Variants in KMT2B observed in about 807,000 individuals in gnomAD.
The protein encoded by KMT2B is histone-lysine N-methyltransferase 2B.
Under a neutral mutation model 255.3 loss-of-function variants are expected in KMT2B, and 22 were observed. The observed-to-expected ratio is 0.09, with a 90% CI of 0.06 to 0.12. The LOEUF (loss-of-function observed/expected upper bound fraction) is 0.12, where lower values mean the gene tolerates loss of function less well. KMT2B is among the 10% of genes least tolerant of loss of function. The pLI is 1.00. For synonymous variants in KMT2B, 1,730 were observed against 1,498.1 expected (o/e 1.15, Z -3.57); for missense variants, 3,149 against 3,737.0 (o/e 0.84, Z 4.10).
chr19:35,730,587 C>T lies in KMT2B; in HGVS notation c.5247C>T (p.Cys1749=). The T allele has an allele frequency of 1.2e-6, 2 of 1,613,994 alleles. No individual in the cohort carries two copies. The highest frequency in any genetic ancestry group is 1.7e-6 in the Non-Finnish European group (2 of 1,179,904). ...GTACTCTGTCTGATCTCTCGGACTG[C>T]GAGGGACGGCTCTTCCCCATTGGCT... is the stretch of plus-strand genomic sequence containing the variant. The part of the protein sequence containing the change: ...SLGTLSDLSD[C]EGRLFPIGYQ... The change falls in exon 25 of 37, where the codon TGC becomes TGT. Residue 1749 remains cysteine, a synonymous_variant. Coordinates refer to ENST00000420124, the MANE Select transcript of KMT2B (RefSeq NM_014727.3).
chr19:35,737,575 C>T lies in KMT2B; in HGVS notation c.7551-61C>T. On this transcript the variant is annotated intron_variant, in intron 33 of 36. Transcript: ENST00000420124. The surrounding 1 kb of genome is among the most constrained non-coding windows in gnomAD (Gnocchi z 5.3). Reference sequence around the variant, plus strand: ...TGACATCAGAAAAATGAACCCCACCCATTTCCCTGTTAGCTCTGTCTTCAA... The same window carrying T: ...TGACATCAGAAAAATGAACCCCACCTATTTCCCTGTTAGCTCTGTCTTCAA... 1.8e-6 allele frequency: 2 copies of T among 1,101,510 alleles called. No homozygotes were observed. The highest frequency in any genetic ancestry group is 2.6e-6 in the Non-Finnish European group (2 of 766,890). 68.2% of individuals were successfully genotyped at this position (1,101,510 alleles called of 1,614,324 possible).
In KMT2B at chr19:35,728,792, G is replaced by A. The variant is rs375039138; in HGVS notation, c.4590G>A (p.Ala1530=). ...TRLPNGVLPN[A]VLPPSLDHVY... ...TCCACAGCGGAGTCCTTCCCAATGC[G>A]GTGTTGCCCCCATCCCTGGATCATG... Residue 1530 remains alanine (A), a synonymous_variant, in exon 20 of 37, where the codon GCG becomes GCA. Transcript: ENST00000420124. 7.3e-5 allele frequency: 117 copies of A among 1,613,728 alleles called. No individual in the cohort carries two copies. The highest frequency in any genetic ancestry group is 9.4e-5 in the Non-Finnish European group (111 of 1,179,818).
chr19:35,730,406 A>G lies in KMT2B; in HGVS notation c.5141A>G (p.Asn1714Ser), dbSNP rs776073447. Reference sequence around the variant, plus strand: ...GTCTATGTGGACTTCGAGGGCATCAACTTCAAGCGGAAGTTCTTGACGGGG... The same window carrying G: ...GTCTATGTGGACTTCGAGGGCATCAGCTTCAAGCGGAAGTTCTTGACGGGG... ...RRVYVDFEGINFKRKFLTGLE... is the reference protein window; with the variant it reads ...RRVYVDFEGISFKRKFLTGLE... Residue 1714 changes from asparagine to serine, a missense_variant, in exon 24 of 37, where the codon AAC becomes AGC. Asn to Ser is a conservative substitution (Grantham distance 46). Transcript: ENST00000420124. The G allele has an allele frequency of 5.6e-6, 9 of 1,613,730 alleles. No individual in the cohort carries two copies. In the East Asian group the frequency reaches 1.8e-4, roughly 32 times the overall value.
chr19:35,728,233 G>T, intron 19 of KMT2B, 62 bp downstream of exon 19: 1 of 1,392,010 alleles, frequency 7.2e-7, no homozygotes. Context: ...GGGCATGCAG[G>T]GGCCACGCTG....
Position 35,737,989 on chromosome 19 carries a change from T to C in KMT2B, c.7742+47T>C. Reference sequence around the variant, plus strand: ...GATGCCCCTTGGGTGGACGGACAGGTGCACTGGGTAGGGGGTACTGTCTGG... The same window carrying C: ...GATGCCCCTTGGGTGGACGGACAGGCGCACTGGGTAGGGGGTACTGTCTGG... On this transcript the variant is annotated intron_variant, in intron 35 of 36. Coordinates refer to ENST00000420124, the MANE Select transcript of KMT2B (RefSeq NM_014727.3). This position sits in a 1 kb window ranked among gnomAD's most constrained non-coding sequence, Gnocchi z 5.3. The C allele has an allele frequency of 6.2e-7, 1 of 1,609,964 alleles. No individual in the cohort carries two copies. Among genetic ancestry groups the C allele is most frequent in the Non-Finnish European group, 8.5e-7 (1 of 1,177,998 alleles).
Position 35,738,346 on chromosome 19 carries a change from A to G in KMT2B, c.7937A>G (p.Asn2646Ser). 4 of 1,613,904 alleles carry G rather than the reference A, an allele frequency of 2.5e-6. No homozygotes were observed. The highest frequency in any genetic ancestry group is 3.4e-6 in the Non-Finnish European group (4 of 1,179,868). The stretch of plus-strand genomic sequence containing the variant: ...GTAGTGGACGCCACGATGCATGGCA[A>G]TGCCGCCCGCTTCATCAACCACTCC... The part of the protein sequence containing the change: ...FDVVDATMHG[N>S]AARFINHSCE... Residue 2646 changes from asparagine to serine, a missense_variant, in exon 37 of 37, where the codon AAT (asparagine) becomes AGT (serine). Physicochemically the swap from Asn to Ser is conservative, Grantham distance 46. Around this residue, in one of 18 missense-constraint regions of KMT2B, gnomAD observed 56 missense variants for 238.8 expected, o/e 0.23. Coordinates refer to ENST00000420124, the MANE Select transcript of KMT2B (RefSeq NM_014727.3). This position sits in a 1 kb window ranked among gnomAD's most constrained non-coding sequence, Gnocchi z 8.7.
Position 35,732,607 on chromosome 19 carries a change from C to G in KMT2B, c.6058C>G (p.Pro2020Ala). Residue 2020 changes from proline (P) to alanine (A), a missense_variant, in exon 28 of 37, where the codon CCG becomes GCG. By Grantham distance (27) the Pro-to-Ala change is conservative. Transcript: ENST00000420124. ...GGCCATGGGGAGCAGCCACGGGGGCCCGGGGGACAGCTCCGAGGAGGAGTC... is the reference window on the plus strand; with the variant it reads ...GGCCATGGGGAGCAGCCACGGGGGCGCGGGGGACAGCTCCGAGGAGGAGTC... ...AGAMGSSHGG[P>A]GDSSEEESSP... The G allele has an allele frequency of 1.2e-6, 2 of 1,612,856 alleles. No homozygotes were observed. Among genetic ancestry groups the G allele is most frequent in the Non-Finnish European group, 1.7e-6 (2 of 1,179,568 alleles).
chr19:35,730,360 G>A lies in KMT2B; in HGVS notation c.5095G>A (p.Gly1699Ser). 1 of 1,612,258 alleles carries A rather than the reference G, an allele frequency of 6.2e-7. No homozygotes were observed. The highest frequency in any genetic ancestry group is 2.2e-5 in the East Asian group (1 of 44,810). The part of the protein sequence containing the change: ...LDGKEIVNPD[G>S]FDVLRRVYVD... ...CTTCCAGGAAATTGTGAACCCCGAT[G>A]GTTTTGATGTTCTCCGCCGAGTCTA... The change falls in exon 24 of 37, where the codon GGT becomes AGT. Residue 1699 changes from glycine (G) to serine (S), a missense_variant. Gly to Ser is a moderately conservative substitution (Grantham distance 56). Around this residue, in one of 18 missense-constraint regions of KMT2B, gnomAD observed 58 missense variants for 96.9 expected, o/e 0.60. Transcript: ENST00000420124.
rs201922815 is a variant in KMT2B at position 35,738,230 on chromosome 19, C to G, written c.7872+39C>G. ...GGCTGTGGGAAGACAGTGGGTGAAGCGAGCCTGTCCGCGGGGACAGAGCAC... is the reference window on the plus strand; with the variant it reads ...GGCTGTGGGAAGACAGTGGGTGAAGGGAGCCTGTCCGCGGGGACAGAGCAC... On this transcript the variant is annotated intron_variant, in intron 36 of 36. Transcript: ENST00000420124. The surrounding 1 kb of genome is among the most constrained non-coding windows in gnomAD (Gnocchi z 8.7). 2 of 1,613,154 alleles carry G rather than the reference C, an allele frequency of 1.2e-6. No individual in the cohort carries two copies. The highest frequency in any genetic ancestry group is 2.2e-5 in the East Asian group (1 of 44,822).
rs1969709599 is a variant in KMT2B at position 35,731,930 on chromosome 19, C to T, written c.5460C>T (p.Pro1820=). 9 of 1,613,572 alleles carry T rather than the reference C, an allele frequency of 5.6e-6. No individual in the cohort carries two copies. The highest frequency in any genetic ancestry group is 7.6e-6 in the Non-Finnish European group (9 of 1,179,740). The change falls in exon 27 of 37, where the codon CCC becomes CCT. Residue 1820 remains proline (P), a synonymous_variant. Coordinates refer to ENST00000420124, the MANE Select transcript of KMT2B (RefSeq NM_014727.3). ...CAGAGCCCCCAGGTGGTGAGGACCC[C>T]CCACTGGACACAGATGTTCTTGTCC... is the stretch of plus-strand genomic sequence containing the variant. ...PSSEPPGGED[P]PLDTDVLVPG...
Position 35,737,782 on chromosome 19 carries a change from A to G in KMT2B, c.7658+39A>G. 1 of 1,547,838 alleles carries G rather than the reference A, an allele frequency of 6.5e-7. No homozygotes were observed. The highest frequency in any genetic ancestry group is 8.8e-7 in the Non-Finnish European group (1 of 1,142,516). ...GCTGGGGGGCGGGTGGTGGTCTGGA[A>G]GGGTCTTAGAGAGTGAGCAGGGGTG... On this transcript the variant is annotated intron_variant, in intron 34 of 36. Coordinates refer to ENST00000420124, the MANE Select transcript of KMT2B (RefSeq NM_014727.3). The surrounding 1 kb of genome is among the most constrained non-coding windows in gnomAD (Gnocchi z 5.3).
rs539294434 is a variant in KMT2B, at chr19:35,720,529, G to A, written c.1182G>A (p.Ala394=). ...TAGCTGAGGAGATGATGCCAGCTGC[G>A]GAAAAGGAAGAGGCAAAGCTGCCAC... ...RAVAEEMMPA[A]EKEEAKLPPP... Residue 394 remains alanine, a synonymous_variant, in exon 3 of 37, where the codon GCG becomes GCA. Transcript: ENST00000420124. 24 of 1,550,038 alleles carry A rather than the reference G, an allele frequency of 1.5e-5. No homozygotes were observed. The African/African-American group carries it at 2.2e-4, about 14-fold the overall frequency.
Position 35,733,296 on chromosome 19 carries a change from C to A in KMT2B, c.6747C>A (p.Val2249=). Residue 2249 remains valine (V), a synonymous_variant, in exon 28 of 37, where the codon GTC becomes GTA. Transcript: ENST00000420124. The surrounding 1 kb of genome is among the most constrained non-coding windows in gnomAD (Gnocchi z 4.3). ...GCGTGCTGCCCGTGGTCGGAGTGGT[C>A]CGCCCTGCCCCGCCCCCGCCACCCC... ...LLGVLPVVGV[V]RPAPPPPPPP... 1 of 1,356,342 alleles carries A rather than the reference C, an allele frequency of 7.4e-7. No homozygotes were observed. Among genetic ancestry groups the A allele is most frequent in the Non-Finnish European group, 1.0e-6 (1 of 990,152 alleles). 84.0% of individuals were successfully genotyped at this position (1,356,342 alleles called of 1,614,324 possible). A position where few individuals can be genotyped will look rare whatever the true frequency, so the allele number is the denominator to read the frequency against.
chr19:35,718,621 T>G lies in KMT2B; in HGVS notation c.363+240T>G, dbSNP rs1190623127. Reference sequence around the variant, plus strand: ...CGATGTCGGTCCCGCTGAAGTGTCTTGGGCCGATCCTTTTCGGCAGCTGGC... The same window carrying G: ...CGATGTCGGTCCCGCTGAAGTGTCTGGGGCCGATCCTTTTCGGCAGCTGGC... On this transcript the variant is annotated intron_variant, in intron 1 of 36. Transcript: ENST00000420124. The surrounding 1 kb of genome is among the most constrained non-coding windows in gnomAD (Gnocchi z 5.0). Among the ~76,000 whole-genome samples, 2 of 152,164 alleles carry G rather than the reference T, an allele frequency of 1.3e-5. No homozygotes were observed. The highest frequency in any genetic ancestry group is 6.5e-5 in the Admixed American group (1 of 15,286).
chr19:35,730,546 C>T lies in KMT2B; in HGVS notation c.5206C>T (p.Arg1736Cys), dbSNP rs763021860. 1.2e-6 allele frequency: 2 copies of T among 1,614,006 alleles called. No individual in the cohort carries two copies. Among genetic ancestry groups the T allele is most frequent in the Non-Finnish European group, 1.7e-6 (2 of 1,179,886 alleles). The change falls in exon 25 of 37, where the codon CGC (arginine) becomes TGC (cysteine). Residue 1736 changes from arginine to cysteine, a missense_variant. Arg to Cys is a radical substitution (Grantham distance 180). This residue lies in a region of KMT2B where 58 missense variants were observed against 96.9 expected (regional missense o/e 0.60). Transcript: ENST00000420124. ...TCCGCTTTGCACCACAGGTTCCATC[C>T]GCATTGACTCCCTGGGTACTCTGTC... ...DAINVLIGSIRIDSLGTLSDL... is the reference protein window; with the variant it reads ...DAINVLIGSICIDSLGTLSDL...
intron 1 of KMT2B, 56 bp from the exon 2 acceptor site, chr19:35,719,413 C>A: frequency 1.6e-6 from 2 of 1,272,124 alleles, no homozygotes; most frequent in Non-Finnish European, 2.2e-6. Context: ...TCAGATGGAA[C>A]GAGGGCTTTG....
Position 35,720,637 on chromosome 19 carries a change from TCCA to T in KMT2B, c.1299_1301del (p.Pro435del). 1.0e-6 allele frequency: 1 copy of T among 966,214 alleles called. No individual in the cohort carries two copies. The highest frequency in any genetic ancestry group is 1.3e-6 in the Non-Finnish European group (1 of 752,754). The allele number at this position is 966,214 out of a possible 1,614,324, so 59.9% of individuals were successfully genotyped here. On this transcript the variant is annotated inframe_deletion, in exon 3 of 37. Transcript: ENST00000420124. ...CATCTCCTCCACCCCCACTCTGCCC[TCCA>T]CCACCACCCCCAGTGTCCCCACCAC...
rs1969305876 is a variant in KMT2B at position 35,723,602 on chromosome 19, C to G, written c.3058+100C>G. On this transcript the variant is annotated intron_variant, in intron 7 of 36. Coordinates refer to ENST00000420124, the MANE Select transcript of KMT2B (RefSeq NM_014727.3). This position sits in a 1 kb window ranked among gnomAD's most constrained non-coding sequence, Gnocchi z 7.5. Reference sequence around the variant, plus strand: ...GCTCTCCTCCCTTGCAGCTCACCCTCTCCATCTTCTCCGTTGTGTGCTTTC... The same window carrying G: ...GCTCTCCTCCCTTGCAGCTCACCCTGTCCATCTTCTCCGTTGTGTGCTTTC... The G allele has an allele frequency of 6.9e-6, 9 of 1,295,414 alleles. No individual in the cohort carries two copies. Among genetic ancestry groups the G allele is most frequent in the Middle Eastern group, 3.8e-4 (2 of 5,302 alleles). 80.2% of individuals were successfully genotyped at this position (1,295,414 alleles called of 1,614,324 possible). A position where few individuals can be genotyped will look rare whatever the true frequency, so the allele number is the denominator to read the frequency against.
Position 35,733,867 on chromosome 19 carries a change from A to G in KMT2B, c.7154A>G (p.Tyr2385Cys). 6.2e-7 allele frequency: 1 copy of G among 1,611,006 alleles called. No individual in the cohort carries two copies. The highest frequency in any genetic ancestry group is 8.5e-7 in the Non-Finnish European group (1 of 1,177,398). Residue 2385 changes from tyrosine (Y) to cysteine (C), a missense_variant, in exon 30 of 37, where the codon TAT (tyrosine) becomes TGT (cysteine). Tyr to Cys is a radical substitution (Grantham distance 194). Transcript: ENST00000420124. This position sits in a 1 kb window ranked among gnomAD's most constrained non-coding sequence, Gnocchi z 4.3. The stretch of plus-strand genomic sequence containing the variant: ...CTGCTTGAGTCCCAGTGGCACCACT[A>G]TTCAGGTAGGGACCGGCCTTGCCCT... ...DLLLESQWHH[Y>C]SGEASSSEEE...
Sources: allele counts gnomAD v4.1 joint callset (sites outside exome capture counted in the v4.1 genomes callset), GRCh38; gene constraint gnomAD v4.1.1; regional missense constraint gnomAD v4.1.1; non-coding constraint Gnocchi (gnomAD v3.1); transcripts MANE v1.5; gene names NCBI Gene and HGNC (gene_info 2026-07-23, HGNC 2026-07-21).